Variants in KDM2B observed in about 807,000 individuals in gnomAD.
The protein encoded by KDM2B is lysine-specific demethylase 2B.
Under a neutral mutation model 150.0 loss-of-function variants are expected in KDM2B, and 26 were observed. That is an observed-to-expected ratio of 0.17 (90% confidence interval 0.13 to 0.24). The LOEUF is 0.24. Ranked by LOEUF, KDM2B falls within the 10% of genes least tolerant of loss-of-function variation. The probability of loss-of-function intolerance (pLI) is 1.00; values close to 1 mark genes in which losing one functional copy is unlikely to be tolerated. For missense variants in KDM2B, 1,265 were observed against 1,816.9 expected (o/e 0.70, Z 5.52); for synonymous variants, 734 against 729.5 (o/e 1.01, Z -0.10).
At chr12:121,448,285 A>AC (rs1876625931) in intron 13 of KDM2B, among the ~76,000 whole-genome samples, 1 of 130,332 alleles carries the variant, frequency 7.7e-6, no homozygotes, top group African/African-American at 3.0e-5. Flanking sequence ...ACACCACTGC[A>AC]CTCCAGCCTG....
intron 4 of KDM2B, among the ~76,000 whole-genome samples, chr12:121,571,942 C>T (rs1426918899): frequency 2.6e-5 from 4 of 152,228 alleles, no homozygotes; most frequent in East Asian, 1.9e-4. Context: ...TGAGCCACGG[C>T]GCCCAGCCAC....
intron 4 of KDM2B, among the ~76,000 whole-genome samples, chr12:121,572,958 T>C (rs2136515741): frequency 6.6e-6 from 1 of 151,826 alleles, no homozygotes; most frequent in East Asian, 1.9e-4. Context: ...CCCAAGTAGC[T>C]GGGACTACAG....
intron 6 of KDM2B, among the ~76,000 whole-genome samples, chr12:121,541,385 G>C (rs1312582396): frequency 2.0e-5 from 2 of 101,068 alleles, no homozygotes; most frequent in Admixed American, 2.6e-4. Context: ...AACAGAGACA[G>C]CCCCTGTCTC....
chr12:121,527,216 A>AC (rs1555306954), intron 8 of KDM2B, among the ~76,000 whole-genome samples: 1 of 138,388 alleles, frequency 7.2e-6, no homozygotes, highest in Non-Finnish European at 1.6e-5. Context: ...CGCCCAGATA[A>AC]TTTTTTTTTT....
At chr12:121,421,394 A>C in the KDM2B span, among the ~76,000 whole-genome samples, 2 of 149,826 alleles carry the variant, frequency 1.3e-5, no homozygotes, top group African/African-American at 2.4e-5. Context: ...AAAAAAAAAA[A>C]AAAACCAAAA....
the KDM2B span, chr12:121,418,075 A>G: frequency 8.0e-6 from 6 of 747,680 alleles, no homozygotes; most frequent in Non-Finnish European, 1.1e-5. Context: ...GTCCTGATGT[A>G]TAGTGTCTGC....
intron 8 of KDM2B, among the ~76,000 whole-genome samples, chr12:121,528,507 C>T (rs1555307247): frequency 1.3e-5 from 2 of 150,116 alleles, no homozygotes; most frequent in African/African-American, 2.5e-5. Flanking sequence ...TGCAGTGAGT[C>T]GAGATGGTGC....
At chr12:121,417,700 A>G in the KDM2B span, 1 of 1,614,096 alleles carries the variant, frequency 6.2e-7, no homozygotes, top group Admixed American at 1.7e-5. This position sits in a 1 kb window ranked among gnomAD's most constrained non-coding sequence, Gnocchi z 5.0. Flanking sequence ...CGTGAGAAAG[A>G]AGACTTGGTG....
At chr12:121,443,611 G>A in intron 17 of KDM2B, 69 bp downstream of exon 17, 1 of 878,676 alleles carries the variant, frequency 1.1e-6, no homozygotes, top group South Asian at 1.3e-5. Flanking sequence ...GACCAGCGGG[G>A]TGGGGTGGGG....
intron 11 of KDM2B, among the ~76,000 whole-genome samples, chr12:121,499,948 C>A (rs1411336245): frequency 2.7e-5 from 4 of 148,848 alleles, no homozygotes; most frequent in Non-Finnish European, 6.0e-5. Flanking sequence ...GACTCTAACT[C>A]AAAAAAAAAT....
At chr12:121,541,247 A>ATAT (rs1299713065) in intron 6 of KDM2B, among the ~76,000 whole-genome samples, 2 of 151,932 alleles carry the variant, frequency 1.3e-5, no homozygotes, top group South Asian at 2.1e-4. Context: ...AAATAAATAA[A>ATAT]TAAGCCAGGG....
In KDM2B at chr12:121,573,206, G is replaced by A. The variant is rs180720860; in HGVS notation, c.397+1341C>T. Among the ~76,000 whole-genome samples, 22 of 150,766 alleles carry A rather than the reference G, an allele frequency of 1.5e-4. No individual in the cohort carries two copies. The East Asian group carries it at 2.5e-3, about 17-fold the overall frequency. On this transcript the variant is annotated intron_variant, in intron 4 of 22. Coordinates refer to ENST00000377071, the MANE Select transcript of KDM2B (RefSeq NM_032590.5). ...ACTCCTGGCCTCAAGCAATCCTCCC[G>A]CCTCAGCCTCCCAAAGTGCTAGGAT...
intron 12 of KDM2B, among the ~76,000 whole-genome samples, chr12:121,456,032 G>A (rs1310158308): frequency 6.6e-6 from 1 of 152,210 alleles, no homozygotes; most frequent in Non-Finnish European, 1.5e-5. Flanking sequence ...CCCATCTGCG[G>A]GCACCGTGGC....
chr12:121,540,225 T>C (rs576027620), intron 6 of KDM2B, among the ~76,000 whole-genome samples: 43 of 152,194 alleles, frequency 2.8e-4, no homozygotes, highest in African/African-American at 9.4e-4. Flanking sequence ...CTTTTAAAGG[T>C]AGAGCAGTTG....
At chr12:121,544,772 G>A (rs1555310404) in intron 6 of KDM2B, among the ~76,000 whole-genome samples, 2 of 151,810 alleles carry the variant, frequency 1.3e-5, no homozygotes. Flanking sequence ...AATTAGCTGG[G>A]TGTGGTGGTG....
rs1555311394 is a variant in KDM2B, at chr12:121,549,472, C to A, written c.564G>T (p.Lys188Asn). 6.2e-7 allele frequency: 1 copy of A among 1,601,652 alleles called. No individual in the cohort carries two copies. The highest frequency in any genetic ancestry group is 8.5e-7 in the Non-Finnish European group (1 of 1,170,542). The change falls in exon 5 of 23, where the codon AAG becomes AAT. Residue 188 changes from lysine to asparagine, a missense_variant. This residue lies in a region of KDM2B where 214 missense variants were observed against 447.4 expected (regional missense o/e 0.48). Transcript: ENST00000377071. This position sits in a 1 kb window ranked among gnomAD's most constrained non-coding sequence, Gnocchi z 4.4. ...FSHTKLEHLVKRPTVVDLVDW... is the reference protein window; with the variant it reads ...FSHTKLEHLVNRPTVVDLVDW... Reference sequence around the variant, plus strand: ...GCCCCGGACCTACCACAGTCGGACGCTTGACCAAGTGCTCCAGCTTGGTGT... The same window carrying A: ...GCCCCGGACCTACCACAGTCGGACGATTGACCAAGTGCTCCAGCTTGGTGT...
At chr12:121,570,978 A>G (rs1225233360) in intron 4 of KDM2B, among the ~76,000 whole-genome samples, 4 of 152,228 alleles carry the variant, frequency 2.6e-5, no homozygotes, top group Non-Finnish European at 5.9e-5. Context: ...AATGTAGTCT[A>G]TCCATACAAT....
At chr12:121,580,235 A>G in intron 1 of KDM2B, 1 of 1,026,056 alleles carries the variant, frequency 9.7e-7, no homozygotes, top group Non-Finnish European at 1.2e-6. Context: ...GTCCTAGGAA[A>G]CCATTTTCAG....
chr12:121,523,813 G>A (rs1203605190), intron 8 of KDM2B, among the ~76,000 whole-genome samples: 1 of 152,234 alleles, frequency 6.6e-6, no homozygotes, highest in Non-Finnish European at 1.5e-5. Flanking sequence ...CCGGGTCTCT[G>A]GCGTGAGCCA....
Sources: gnomAD v4.1 joint callset for allele counts (sites outside exome capture counted in the v4.1 genomes callset) on GRCh38, gnomAD v4.1.1 for gene constraint, gnomAD v4.1.1 regional missense constraint, Gnocchi (gnomAD v3.1) non-coding constraint, MANE v1.5 for transcripts, NCBI Gene and HGNC (gene_info 2026-07-23, HGNC 2026-07-21) for gene names.